The following RNF17 variants were observed in gnomAD, a reference collection of about 807,000 sequenced individuals.
RNF17 encodes spermatogenesis associated 23.
A neutral mutation model predicts 200.5 loss-of-function variants in RNF17; 31 were observed. That is an observed-to-expected ratio of 0.15 (90% CI 0.12 to 0.21). The LOEUF (loss-of-function observed/expected upper bound fraction) is 0.21, where lower values mean the gene tolerates loss of function less well. RNF17 is among the 10% of genes least tolerant of loss of function. The probability of loss-of-function intolerance (pLI) is 1.00; values close to 1 mark genes in which losing one functional copy is unlikely to be tolerated. For synonymous variants in RNF17, 606 were observed against 637.8 expected (o/e 0.95, Z 0.75); for missense variants, 1,628 against 1,905.1 (o/e 0.85, Z 2.71).
intron 25 of RNF17, among the ~76,000 whole-genome samples, chr13:24,857,239 A>G (rs1308972538): frequency 6.6e-6 from 1 of 152,214 alleles, no homozygotes; most frequent in Admixed American, 6.5e-5. Flanking sequence ...TCTTTCCTCC[A>G]TGATTTCAAT....
At chr13:24,882,133 G>GATAGATAT (rs1555294178), downstream of RNF17, among the ~76,000 whole-genome samples, 1 of 3,038 alleles carries the variant, frequency 3.3e-4, no homozygotes, top group African/African-American at 5.6e-4. Flanking sequence ...CATCTATATA[G>GATAGATAT]ATAGATACAT....
At chr13:24,749,898 C>T in the RNF17 span, among the ~76,000 whole-genome samples, 42 of 152,148 alleles carry the variant, frequency 2.8e-4, no homozygotes, top group African/African-American at 9.2e-4. Context: ...TACAGGCATG[C>T]GACACCACAC....
the RNF17 span, chr13:24,751,957 C>T: frequency 6.6e-6 from 1 of 152,224 alleles, no homozygotes; most frequent in Non-Finnish European, 1.5e-5. Context: ...AAGGCTGTTC[C>T]TCTCAACCTA....
chr13:24,881,640 CTAGATAGATAT>C (rs1566272168), downstream of RNF17, among the ~76,000 whole-genome samples: 2 of 150,078 alleles, frequency 1.3e-5, no homozygotes, highest in Non-Finnish European at 3.0e-5. Context: ...AGAGATATAT[CTAGATAGATAT>C]ATCTAGATAA....
chr13:24,795,987 G>T (rs775352186), intron 10 of RNF17, 150 bp from the exon 11 acceptor site: 16 of 470,822 alleles, frequency 3.4e-5, no homozygotes, highest in Non-Finnish European at 5.2e-5. Flanking sequence ...ATCATTTAGG[G>T]CTTGCACTAC....
At chr13:24,880,453 TATCA>T (rs1273698339), downstream of RNF17, among the ~76,000 whole-genome samples, 1 of 152,242 alleles carries the variant, frequency 6.6e-6, no homozygotes, top group Non-Finnish European at 1.5e-5. Flanking sequence ...ATTTGGTGTT[TATCA>T]TTCATATAAA....
At chr13:24,849,741 C>T (rs141107289) in intron 22 of RNF17, among the ~76,000 whole-genome samples, 2 of 152,340 alleles carry the variant, frequency 1.3e-5, no homozygotes, top group African/African-American at 4.8e-5. Context: ...TGTATTACCA[C>T]ATCTATCAGA....
chr13:24,858,097 G>A (rs920750034), intron 25 of RNF17, among the ~76,000 whole-genome samples: 1 of 152,092 alleles, frequency 6.6e-6, no homozygotes, highest in Non-Finnish European at 1.5e-5. Context: ...AGCACTCATA[G>A]GGCTTAGTGT....
intron 1 of RNF17, 68 bp downstream of exon 1, chr13:24,764,401 G>A: frequency 2.0e-6 from 3 of 1,493,120 alleles, no homozygotes; most frequent in Non-Finnish European, 2.7e-6. Flanking sequence ...CAGGTGAGCT[G>A]GTGGGCGCGT....
intron 9 of RNF17, among the ~76,000 whole-genome samples, chr13:24,790,685 AAT>A (rs1883731656): frequency 6.6e-6 from 1 of 152,178 alleles, no homozygotes; most frequent in Non-Finnish European, 1.5e-5. Flanking sequence ...CCAAGATCAT[AAT>A]GCTGGCAGAT....
intron 25 of RNF17, among the ~76,000 whole-genome samples, chr13:24,855,492 G>A (rs1260544856): frequency 6.6e-6 from 1 of 152,056 alleles, no homozygotes; most frequent in African/African-American, 2.4e-5. Flanking sequence ...GCTGGACATG[G>A]TGGCACGAAC....
At chr13:24,801,364 T>A (rs1191903989) in intron 13 of RNF17, among the ~76,000 whole-genome samples, 1 of 152,192 alleles carries the variant, frequency 6.6e-6, no homozygotes, top group Non-Finnish European at 1.5e-5. Flanking sequence ...GTTTTTTGGC[T>A]GGTTTTGGTG....
At chr13:24,818,646 T>G (rs191355208) in intron 15 of RNF17, among the ~76,000 whole-genome samples, 75 of 152,266 alleles carry the variant, frequency 4.9e-4, no homozygotes, top group African/African-American at 1.7e-3. Context: ...CTTTCTCTCT[T>G]GTAAGAATTT....
chr13:24,852,137 T>TG (rs1491472456), intron 24 of RNF17, among the ~76,000 whole-genome samples: 1 of 28,064 alleles, frequency 3.6e-5, no homozygotes, highest in Admixed American at 4.9e-4. Flanking sequence ...TCTCTCTCTC[T>TG]TTTTTTTTTT....
rs769819863 is a variant in RNF17, at chr13:24,764,188, GAAGA to G, written c.-11_-8del. 16 of 1,577,502 alleles carry G rather than the reference GAAGA, an allele frequency of 1.0e-5. No individual in the cohort carries two copies. The highest frequency in any genetic ancestry group is 1.3e-5 in the Non-Finnish European group (15 of 1,152,992). ...GGACTCGCACTCGGCGGTTGTTCCA[GAAGA>G]AAGAGACAGCGATGGCGGCAGAGGC... On this transcript the variant is annotated 5_prime_UTR_variant, in exon 1 of 36. Coordinates refer to ENST00000255324, the MANE Select transcript of RNF17 (RefSeq NM_031277.3).
intron 11 of RNF17, 137 bp from the exon 12 acceptor site, chr13:24,799,258 G>A (rs950854094): frequency 3.1e-6 from 2 of 653,062 alleles, no homozygotes; most frequent in Admixed American, 6.0e-5. Flanking sequence ...CTTTCTTATA[G>A]CACTTGAACA....
At chr13:24,764,888 G>GTGT (rs1555262371) in intron 1 of RNF17, among the ~76,000 whole-genome samples, 2 of 134,092 alleles carry the variant, frequency 1.5e-5, no homozygotes, top group African/African-American at 5.6e-5. Flanking sequence ...CACCTTGTGG[G>GTGT]GTGTGTGTGT....
At chr13:24,752,830 A>G in the RNF17 span, among the ~76,000 whole-genome samples, 1 of 152,156 alleles carries the variant, frequency 6.6e-6, no homozygotes, top group Non-Finnish European at 1.5e-5. Flanking sequence ...CTTAAATGTA[A>G]GTTGGATTGT....
intron 25 of RNF17, among the ~76,000 whole-genome samples, chr13:24,857,967 C>T (rs898269052): frequency 2.1e-4 from 32 of 152,154 alleles, no homozygotes; most frequent in Non-Finnish European, 4.0e-4. Context: ...CAACAAATAA[C>T]TGGAGCTTTA....
Sources: gnomAD v4.1 joint callset for allele counts (sites outside exome capture counted in the v4.1 genomes callset) on GRCh38, gnomAD v4.1.1 for gene constraint, MANE v1.5 for transcripts, NCBI Gene and HGNC (gene_info 2026-07-23, HGNC 2026-07-21) for gene names.